THOC2: variants seen among roughly 807,000 people sequenced by gnomAD.
The protein encoded by THOC2 is THO complex subunit 2, also known as THO complex 2.
THOC2 carries 10 observed loss-of-function variants against 128.4 expected under a neutral mutation model. That is an observed-to-expected ratio of 0.08 (90% confidence interval 0.05 to 0.13). The LOEUF is 0.13. Ranked by LOEUF, THOC2 falls within the 10% of genes least tolerant of loss-of-function variation. The probability of loss-of-function intolerance (pLI) is 1.00; values close to 1 mark genes in which losing one functional copy is unlikely to be tolerated. For synonymous variants in THOC2, 393 were observed against 396.9 expected, an observed-to-expected ratio of 0.99 and a Z score of 0.12; for missense variants, 535 against 1,155.7, an observed-to-expected ratio of 0.46 and a Z score of 7.79.
At chrX:123,634,130 T>C (rs1001486516) in intron 19 of THOC2, 60 bp from the exon 20 acceptor site, 1 of 646,054 alleles carries the variant, frequency 1.5e-6, no homozygotes, top group Non-Finnish European at 2.4e-6. Flanking sequence ...AAAGTAACAA[T>C]GTATTGTAAT....
rs778218434 is a variant in THOC2, at chrX:123,654,690, C to T, written c.1387-9315G>A. On this transcript the variant is annotated intron_variant, in intron 12 of 38. Coordinates refer to ENST00000245838, the MANE Select transcript of THOC2 (RefSeq NM_001081550.2). Reference sequence around the variant, plus strand: ...AGGAGAATCGCGTGAACCTAGGAGGCAGAGGTTATGGTGAGGTGAGATTGC... The same window carrying T: ...AGGAGAATCGCGTGAACCTAGGAGGTAGAGGTTATGGTGAGGTGAGATTGC... 7.5e-3 allele frequency among the ~76,000 whole-genome samples: 676 copies of T among 90,555 alleles called. 3 individuals carry two copies. Among genetic ancestry groups the T allele is most frequent in the Non-Finnish European group, 0.011 (550 of 48,771 alleles). 78.6% of individuals were successfully genotyped at this position (90,555 alleles called of 115,157 possible).
intron 33 of THOC2, 22 bp from the exon 34 acceptor site, chrX:123,614,211 A>C: frequency 9.0e-7 from 1 of 1,113,405 alleles, no homozygotes; most frequent in Non-Finnish European, 1.2e-6. Flanking sequence ...AGGCAATATT[A>C]CTAAAGATTA....
At chrX:123,711,522 AC>A (rs1175284198) in intron 2 of THOC2, among the ~76,000 whole-genome samples, 2 of 110,401 alleles carry the variant, frequency 1.8e-5, no homozygotes, top group African/African-American at 6.6e-5. Context: ...AGTGGCTCAC[AC>A]CTGTAATACC....
chrX:123,625,520 CTT>C lies in THOC2; in HGVS notation c.3057+390_3057+391del, dbSNP rs754470330. ...TGTGTGAAGGTGTAAACTTTTTTGT[CTT>C]TTTTTTTTTTTTTGAGAAGTGAAGG... On this transcript the variant is annotated intron_variant, in intron 25 of 38. Transcript: ENST00000245838. 3.6e-3 allele frequency among the ~76,000 whole-genome samples: 350 copies of C among 96,823 alleles called. 2 individuals are homozygous for C. Among genetic ancestry groups the C allele is most frequent in the African/African-American group, 0.012 (335 of 26,997 alleles). 84.1% of individuals were successfully genotyped at this position (96,823 alleles called of 115,157 possible). A position where few individuals can be genotyped will look rare whatever the true frequency, so the allele number is the denominator to read the frequency against.
intron 8 of THOC2, among the ~76,000 whole-genome samples, chrX:123,682,824 A>G (rs1173825755): frequency 8.9e-6 from 1 of 111,817 alleles, no homozygotes; most frequent in African/African-American, 3.3e-5. Flanking sequence ...TGGGGTATGT[A>G]TAATAGGGTT....
intron 8 of THOC2, among the ~76,000 whole-genome samples, chrX:123,675,286 G>C (rs1475502681): frequency 9.0e-6 from 1 of 110,913 alleles, no homozygotes; most frequent in African/African-American, 3.3e-5. Flanking sequence ...TATTTATTTG[G>C]TGAGACAGCA....
intron 11 of THOC2, among the ~76,000 whole-genome samples, chrX:123,666,186 T>G (rs1287319105): frequency 8.9e-6 from 1 of 112,036 alleles, no homozygotes; most frequent in Non-Finnish European, 1.9e-5. Flanking sequence ...ATCGGGAACT[T>G]GGATATGGGA....
chrX:123,679,185 A>T (rs2049645891), intron 8 of THOC2, among the ~76,000 whole-genome samples: 1 of 111,278 alleles, frequency 9.0e-6, no homozygotes, highest in Non-Finnish European at 1.9e-5. Context: ...CTTTGTAGCA[A>T]CTGCTTGATA....
chrX:123,699,910 C>A (rs1264413848), intron 4 of THOC2, among the ~76,000 whole-genome samples: 1 of 112,158 alleles, frequency 8.9e-6, no homozygotes, highest in African/African-American at 3.2e-5. Context: ...TCTCAACAAT[C>A]AGTACAGGAC....
chrX:123,693,300 A>AAC (rs1238943878), intron 7 of THOC2, among the ~76,000 whole-genome samples: 2 of 111,068 alleles, frequency 1.8e-5, no homozygotes, highest in African/African-American at 6.6e-5. Flanking sequence ...CTCTACTAAA[A>AAC]ACACACACAC....
At chrX:123,625,004 G>A (rs1254425588) in intron 25 of THOC2, among the ~76,000 whole-genome samples, 3 of 110,739 alleles carry the variant, frequency 2.7e-5, no homozygotes, top group Non-Finnish European at 5.7e-5. Context: ...ACATATTACT[G>A]GGTTTACGGG....
Position 123,703,484 on chromosome X carries a change from A to G in THOC2, c.244T>C (p.Ser82Pro). 8.5e-7 allele frequency: 1 copy of G among 1,179,377 alleles called. No homozygotes were observed. Among genetic ancestry groups the G allele is most frequent in the Non-Finnish European group, 1.2e-6 (1 of 869,396 alleles). ...ATGCAGAATACATCAGCAAGAATGGAGGGCATATCCTCACGAAATTCCTAA... is the reference window on the plus strand; with the variant it reads ...ATGCAGAATACATCAGCAAGAATGGGGGGCATATCCTCACGAAATTCCTAA... ...DISEFREDMP[S>P]ILADVFCILD... Residue 82 changes from serine (S) to proline (P), a missense_variant, in exon 4 of 39, where the codon TCC becomes CCC. Physicochemically the swap from Ser to Pro is moderately conservative, Grantham distance 74. This residue lies in a region of THOC2 where 61 missense variants were observed against 84.3 expected (regional missense o/e 0.72). Coordinates refer to ENST00000245838, the MANE Select transcript of THOC2 (RefSeq NM_001081550.2).
chrX:123,638,086 T>C lies in THOC2; in HGVS notation c.1878A>G (p.Glu626=), dbSNP rs2047744690. 2.5e-6 allele frequency: 3 copies of C among 1,199,820 alleles called. No homozygotes were observed. The highest frequency in any genetic ancestry group is 3.4e-6 in the Non-Finnish European group (3 of 887,392). The change falls in exon 18 of 39, where the codon GAA becomes GAG. Residue 626 remains glutamate, a synonymous_variant. Transcript: ENST00000245838. ...TGGTTGTGTCATCATGTTTCATTCTTTCCTTTTCTGGATTAGCTAAAGCTT... is the reference window on the plus strand; with the variant it reads ...TGGTTGTGTCATCATGTTTCATTCTCTCCTTTTCTGGATTAGCTAAAGCTT... ...IIEALANPEK[E]RMKHDDTTIS... is the part of the protein sequence containing the mutation.
At chrX:123,723,217 A>G (rs1458771478) in intron 1 of THOC2, among the ~76,000 whole-genome samples, 1 of 111,744 alleles carries the variant, frequency 8.9e-6, no homozygotes, top group East Asian at 2.8e-4. Flanking sequence ...CCAAATGACC[A>G]ATAACATATA....
intron 1 of THOC2, among the ~76,000 whole-genome samples, chrX:123,730,084 AATCCAC>A (rs2052161152): frequency 8.9e-6 from 1 of 112,275 alleles, no homozygotes; most frequent in East Asian, 2.7e-4. Context: ...ACTATAATTC[AATCCAC>A]ATTCCACAAG....
chrX:123,696,593 A>G, intron 6 of THOC2, 128 bp downstream of exon 6: 1 of 673,216 alleles, frequency 1.5e-6, no homozygotes, highest in South Asian at 3.8e-5. Flanking sequence ...GGCAAAAAAC[A>G]CAAGACATGC....
rs1295623074 is a variant in THOC2 at position 123,727,171 on chromosome X, CGCCT to C, written c.71+5777_71+5780del. 3.6e-5 allele frequency among the ~76,000 whole-genome samples: 4 copies of C among 110,576 alleles called. No individual in the cohort carries two copies. The Admixed American group carries it at 3.9e-4, about 11-fold the overall frequency. ...GGTCAAGCCTGCAGTGAGCCGTGAT[CGCCT>C]GCACTCCAGCCTAGGTGACAAAGCA... On this transcript the variant is annotated intron_variant, in intron 1 of 38. Coordinates refer to ENST00000245838, the MANE Select transcript of THOC2 (RefSeq NM_001081550.2).
Position 123,665,648 on chromosome X carries a change from C to T in THOC2, c.1380G>A (p.Met460Ile), listed in dbSNP as rs1314785338. The change falls in exon 12 of 39, where the codon ATG (methionine) becomes ATA (isoleucine). Residue 460 changes from methionine to isoleucine, a missense_variant. By Grantham distance (10) the Met-to-Ile change is conservative. This residue lies in a region of THOC2 where 197 missense variants were observed against 313.4 expected (regional missense o/e 0.63). Transcript: ENST00000245838. ...AKVVRIGKSFMKEFQSDGSKQ... is the reference protein window; with the variant it reads ...AKVVRIGKSFIKEFQSDGSKQ... ...TAAGAAAAATCTTACTTACCTCCTT[C>T]ATAAATGACTTGCCTATGCGCACCA... The T allele has an allele frequency of 2.6e-6, 3 of 1,132,581 alleles. No homozygotes were observed. The highest frequency in any genetic ancestry group is 1.2e-6 in the Non-Finnish European group (1 of 851,428). The allele number at this position is 1,132,581 out of a possible 1,213,427, so 93.3% of individuals were successfully genotyped here.
In THOC2 at chrX:123,706,910, A is replaced by G; in HGVS notation, c.170T>C (p.Ile57Thr). The change falls in exon 3 of 39, where the codon ATT (isoleucine) becomes ACT (threonine). Residue 57 changes from isoleucine to threonine, a missense_variant. Ile to Thr is a moderately conservative substitution (Grantham distance 89, BLOSUM62 -1). Around this residue, in one of 9 missense-constraint regions of THOC2, gnomAD observed 61 missense variants for 84.3 expected, o/e 0.72. Coordinates refer to ENST00000245838, the MANE Select transcript of THOC2 (RefSeq NM_001081550.2). The stretch of plus-strand genomic sequence containing the variant: ...CTGTTCATGCTTTAGATTTCCTTTA[A>G]TTACATGATATGACAACTCATAGAG... ...QALYELSYHV[I>T]KGNLKHEQAS... 8.6e-7 allele frequency: 1 copy of G among 1,166,144 alleles called. No homozygotes were observed. Among genetic ancestry groups the G allele is most frequent in the Non-Finnish European group, 1.2e-6 (1 of 868,685 alleles).
Sources: gnomAD v4.1 joint callset for allele counts (sites outside exome capture counted in the v4.1 genomes callset) on GRCh38, gnomAD v4.1.1 for gene constraint, gnomAD v4.1.1 regional missense constraint, MANE v1.5 for transcripts, NCBI Gene and HGNC (gene_info 2026-07-23, HGNC 2026-07-21) for gene names.